Variants in DOCK9 observed in about 807,000 individuals in gnomAD.
DOCK9 encodes dedicator of cytokinesis protein 9.
DOCK9 carries 89 observed loss-of-function variants against 263.3 expected under a neutral mutation model. The observed-to-expected ratio is 0.34, with a 90% CI of 0.28 to 0.40. DOCK9 has a LOEUF of 0.40. Among genes scored for constraint, DOCK9 ranks in the 10% least tolerant of loss-of-function variants. The pLI is 1.00. For missense variants in DOCK9, 2,140 were observed against 2,603.4 expected (o/e 0.82, Z 3.87); for synonymous variants, 976 against 973.1 (o/e 1.00, Z -0.06).
chr13:98,956,605 G>A (rs1165762628), intron 1 of DOCK9, among the ~76,000 whole-genome samples: 1 of 152,200 alleles, frequency 6.6e-6, no homozygotes. Flanking sequence ...AAATTAGCCA[G>A]GCGTGGTGGC....
At chr13:98,959,575 A>T (rs1455714314) in intron 1 of DOCK9, 1 of 152,314 alleles carries the variant, frequency 6.6e-6, no homozygotes, top group Non-Finnish European at 1.5e-5. Flanking sequence ...CTTCAAATAC[A>T]AATACTGGGC....
chr13:98,975,598 A>C (rs1420209697), intron 1 of DOCK9, among the ~76,000 whole-genome samples: 2 of 151,982 alleles, frequency 1.3e-5, no homozygotes, highest in Admixed American at 6.6e-5. Flanking sequence ...AAAAACAAGG[A>C]CACTGTCTTT....
chr13:98,931,329 C>T lies in DOCK9; in HGVS notation c.244-1072G>A, dbSNP rs535519221. 4.6e-5 allele frequency among the ~76,000 whole-genome samples: 7 copies of T among 151,184 alleles called. 1 individual carries two copies. The highest frequency in any genetic ancestry group is 1.7e-4 in the African/African-American group (7 of 41,162). On this transcript the variant is annotated intron_variant, in intron 2 of 52. Coordinates refer to ENST00000682017, the MANE Select transcript of DOCK9 (RefSeq NM_001366683.2). ...TTATTTTATTTTTTGAGACAGGTCT[C>T]GCTCTGTCGCCCAGTCTGGAGTGCA...
intron 45 of DOCK9, 102 bp downstream of exon 45, chr13:98,824,296 G>T: frequency 1.1e-6 from 1 of 951,174 alleles, no homozygotes; most frequent in Non-Finnish European, 1.7e-6. Flanking sequence ...ATAAGTAGCA[G>T]CTACAGGGAG....
intron 1 of DOCK9, among the ~76,000 whole-genome samples, chr13:99,012,554 G>A (rs1047571078): frequency 1.3e-5 from 2 of 151,840 alleles, no homozygotes; most frequent in Non-Finnish European, 2.9e-5. Flanking sequence ...ACCTGAGCTG[G>A]AGGTAGGACA....
rs550351518 is a variant in DOCK9, at chr13:99,001,990, A to G, written c.130-46439T>C. Among the ~76,000 whole-genome samples the G allele has an allele frequency of 9.2e-5, 14 of 152,032 alleles. No individual in the cohort carries two copies. The East Asian group carries it at 2.5e-3, about 27-fold the overall frequency. ...TCCCGATCTCTCTACCCCACTCCCC[A>G]CCTACGCTTACATCCGTCCTTCCTC... is the stretch of plus-strand genomic sequence containing the variant. On this transcript the variant is annotated intron_variant, in intron 1 of 32. Transcript: ENST00000427887.
At chr13:99,037,681 T>C (rs1888031676) in intron 1 of DOCK9, among the ~76,000 whole-genome samples, 1 of 152,216 alleles carries the variant, frequency 6.6e-6, no homozygotes, top group African/African-American at 2.4e-5. Flanking sequence ...TCATGGCAAC[T>C]TTATTGGTAA....
chr13:98,879,869 A>G (rs1482357672), intron 27 of DOCK9, 29 bp downstream of exon 27: 15 of 1,573,438 alleles, frequency 9.5e-6, no homozygotes, highest in Non-Finnish European at 1.3e-5. Flanking sequence ...TTCCCCTAAG[A>G]ACACAAGCTT....
chr13:98,958,326 A>T (rs1170477786), intron 1 of DOCK9, among the ~76,000 whole-genome samples: 1 of 152,154 alleles, frequency 6.6e-6, no homozygotes, highest in Non-Finnish European at 1.5e-5. Flanking sequence ...CACCTCAGCA[A>T]ACTTGGCCAC....
intron 1 of DOCK9, among the ~76,000 whole-genome samples, chr13:99,046,581 C>A (rs1008928069): frequency 6.6e-6 from 1 of 152,176 alleles, no homozygotes; most frequent in African/African-American, 2.4e-5. Flanking sequence ...AGGGGGCACA[C>A]CTGACAGGAA....
chr13:98,907,876 G>A (rs1289084424), intron 9 of DOCK9, among the ~76,000 whole-genome samples: 1 of 152,126 alleles, frequency 6.6e-6, no homozygotes, highest in Non-Finnish European at 1.5e-5. Flanking sequence ...GTAACGATAA[G>A]AGCTACTATT....
intron 1 of DOCK9, among the ~76,000 whole-genome samples, chr13:98,991,622 A>G (rs1159551016): frequency 2.0e-5 from 3 of 151,762 alleles, no homozygotes; most frequent in East Asian, 1.9e-4. Context: ...AACTGATTTT[A>G]TCTGTTTTTT....
intron 26 of DOCK9, 116 bp downstream of exon 26, chr13:98,880,431 T>A: frequency 7.3e-7 from 1 of 1,374,108 alleles, no homozygotes; most frequent in Non-Finnish European, 1.0e-6. Context: ...CACTACCCCT[T>A]TTTAGGGAGT....
At chr13:98,812,103 C>A (rs9517454) in intron 45 of DOCK9, among the ~76,000 whole-genome samples, 3,985 of 148,704 alleles carry the variant, frequency 0.027, 70 homozygotes, top group South Asian at 0.066. Flanking sequence ...GATATATGTG[C>A]CCATCCTTGT....
chr13:98,880,626 A>G lies in DOCK9; in HGVS notation c.2792T>C (p.Val931Ala). The G allele has an allele frequency of 6.2e-7, 1 of 1,613,902 alleles. No individual in the cohort carries two copies. The highest frequency in any genetic ancestry group is 8.5e-7 in the Non-Finnish European group (1 of 1,179,862). The stretch of plus-strand genomic sequence containing the variant: ...CATGGATTTGGTCAGTTCTTCATGC[A>G]CTGTCTTGTATTCAGAGGCAACATA... The part of the protein sequence containing the change: ...EPYVASEYKT[V>A]HEELTKSMTT... Residue 931 changes from valine to alanine, a missense_variant, in exon 26 of 53, where the codon GTG (valine) becomes GCG (alanine). This residue lies in a region of DOCK9 where 1,521 missense variants were observed against 1,741.7 expected (regional missense o/e 0.87). Transcript: ENST00000682017.
intron 1 of DOCK9, among the ~76,000 whole-genome samples, chr13:99,017,468 A>G (rs1372865365): frequency 6.6e-6 from 1 of 152,250 alleles, no homozygotes; most frequent in Non-Finnish European, 1.5e-5. Flanking sequence ...TTGTTATGAC[A>G]TATTTTAGAC....
chr13:98,928,021 A>AG (rs1691352961), intron 3 of DOCK9, among the ~76,000 whole-genome samples: 1 of 25,216 alleles, frequency 4.0e-5, no homozygotes, highest in Non-Finnish European at 1.3e-4. Context: ...AAAAAAAAAC[A>AG]AAAAAAAACT....
intron 1 of DOCK9, among the ~76,000 whole-genome samples, chr13:98,966,268 A>G (rs1273358334): frequency 6.6e-6 from 1 of 152,186 alleles, no homozygotes; most frequent in East Asian, 1.9e-4. Context: ...TCTTCTCCCT[A>G]CCCTGATACC....
At chr13:98,928,585 T>C (rs1595400806) in intron 3 of DOCK9, among the ~76,000 whole-genome samples, 1 of 152,242 alleles carries the variant, frequency 6.6e-6, no homozygotes, top group African/African-American at 2.4e-5. Flanking sequence ...TTTTGCCACA[T>C]GCTTTAAAAC....
Sources: allele counts gnomAD v4.1 joint callset (sites outside exome capture counted in the v4.1 genomes callset), GRCh38; gene constraint gnomAD v4.1.1; regional missense constraint gnomAD v4.1.1; transcripts MANE v1.5; gene names NCBI Gene and HGNC (gene_info 2026-07-23, HGNC 2026-07-21).